NAV3: variants seen among roughly 807,000 people sequenced by gnomAD.
NAV3 encodes neuron navigator 3.
Under a neutral mutation model 244.7 loss-of-function variants are expected in NAV3, and 87 were observed. That is an observed-to-expected ratio of 0.36 (90% CI 0.30 to 0.42). The LOEUF is 0.42. Ranked by LOEUF, NAV3 falls within the 20% of genes least tolerant of loss-of-function variation. The probability of loss-of-function intolerance (pLI) is 1.00; values close to 1 mark genes in which losing one functional copy is unlikely to be tolerated. For synonymous variants in NAV3, 1,126 were observed against 1,042.2 expected (o/e 1.08, Z -1.55); for missense variants, 2,663 against 2,893.3 (o/e 0.92, Z 1.83).
chr12:77,713,059 A>T (rs905957408), intron 2 of NAV3, among the ~76,000 whole-genome samples: 7 of 152,204 alleles, frequency 4.6e-5, no homozygotes, highest in African/African-American at 1.7e-4. Context: ...TGCAGCTAGC[A>T]TAACTCAGTT....
At chr12:77,711,625 T>C (rs1876117828) in intron 2 of NAV3, among the ~76,000 whole-genome samples, 1 of 152,236 alleles carries the variant, frequency 6.6e-6, no homozygotes, top group African/African-American at 2.4e-5. Flanking sequence ...CCTGATGTCC[T>C]GTCAGTCCTA....
At chr12:78,082,840 T>C (rs1953427783) in intron 12 of NAV3, among the ~76,000 whole-genome samples, 1 of 152,114 alleles carries the variant, frequency 6.6e-6, no homozygotes, top group Non-Finnish European at 1.5e-5. Context: ...AACATGCCCT[T>C]CCCTTTGTTC....
At chr12:77,974,459 T>C (rs564936070) in intron 5 of NAV3, among the ~76,000 whole-genome samples, 1 of 143,836 alleles carries the variant, frequency 7.0e-6, no homozygotes, top group East Asian at 2.0e-4. Flanking sequence ...TTATTATTAT[T>C]TTTTTTTTTT....
chr12:77,782,783 TATC>T (rs1183834753), intron 2 of NAV3, among the ~76,000 whole-genome samples: 2 of 152,166 alleles, frequency 1.3e-5, no homozygotes, highest in Non-Finnish European at 2.9e-5. Context: ...GGGAAAAAAA[TATC>T]ATGTTGCTAT....
intron 2 of NAV3, among the ~76,000 whole-genome samples, chr12:77,682,451 C>T (rs1251363091): frequency 6.6e-6 from 1 of 152,136 alleles, no homozygotes; most frequent in Non-Finnish European, 1.5e-5. Context: ...AGGAATAATG[C>T]TGCAATGGAC....
intron 34 of NAV3, among the ~76,000 whole-genome samples, chr12:78,192,312 G>A (rs557460244): frequency 1.6e-4 from 24 of 152,208 alleles, no homozygotes; most frequent in Admixed American, 3.9e-4. Flanking sequence ...CAGGGGAAAA[G>A]CATTGCCAAG....
intron 2 of NAV3, among the ~76,000 whole-genome samples, chr12:77,715,562 A>G (rs1451757312): frequency 6.6e-6 from 1 of 152,178 alleles, no homozygotes; most frequent in African/African-American, 2.4e-5. Context: ...GGGTTATTAA[A>G]TTACTAGGAT....
At chr12:77,958,214 A>T (rs1246125926) in intron 3 of NAV3, among the ~76,000 whole-genome samples, 1 of 152,202 alleles carries the variant, frequency 6.6e-6, no homozygotes, top group Non-Finnish European at 1.5e-5. Flanking sequence ...AGACAATCAG[A>T]AAAATTCTGC....
intron 1 of NAV3, among the ~76,000 whole-genome samples, chr12:77,926,790 G>A (rs1312587994): frequency 6.6e-6 from 1 of 152,050 alleles, no homozygotes; most frequent in Non-Finnish European, 1.5e-5. Context: ...CTGATGCATT[G>A]GTCAAGAACC....
intron 29 of NAV3, among the ~76,000 whole-genome samples, chr12:78,179,981 C>T (rs1958429710): frequency 6.6e-6 from 1 of 152,092 alleles, no homozygotes; most frequent in African/African-American, 2.4e-5. Flanking sequence ...ATTCTTGCTT[C>T]TTCACTTTTC....
In NAV3 at chr12:77,710,119, A is replaced by T. The variant is rs149084731; in HGVS notation, c.72+137853A>T. 2.6e-3 allele frequency among the ~76,000 whole-genome samples: 402 copies of T among 152,298 alleles called. 2 individuals carry two copies. The highest frequency in any genetic ancestry group is 9.0e-3 in the African/African-American group (374 of 41,562). On this transcript the variant is annotated intron_variant, in intron 2 of 8. Transcript: ENST00000550042. ...TAGATTCTAATAAAAAAAGCCAATG[A>T]TTATTCTTATTAGGGCGTGCACTTT... is the stretch of plus-strand genomic sequence containing the variant.
chr12:78,022,986 A>G (rs192266832), intron 9 of NAV3, among the ~76,000 whole-genome samples: 64 of 152,318 alleles, frequency 4.2e-4, no homozygotes, highest in African/African-American at 1.5e-3. Flanking sequence ...TAATAATTGT[A>G]GATTTTTCAA....
intron 4 of NAV3, 55 bp from the exon 5 acceptor site, chr12:77,968,464 T>A: frequency 7.2e-7 from 1 of 1,382,796 alleles, no homozygotes; most frequent in Non-Finnish European, 1.0e-6. Context: ...TAGAATTTGT[T>A]AAAAAGGACA....
chr12:77,961,557 ATT>A (rs1210140029), intron 3 of NAV3, among the ~76,000 whole-genome samples: 1 of 138,332 alleles, frequency 7.2e-6, no homozygotes, highest in African/African-American at 2.7e-5. Flanking sequence ...TGTAATATAT[ATT>A]ATTAAAGTAA....
intron 12 of NAV3, among the ~76,000 whole-genome samples, chr12:78,087,504 C>T: frequency 6.6e-6 from 1 of 151,916 alleles, no homozygotes; most frequent in South Asian, 2.1e-4. Flanking sequence ...ATGAGTATTT[C>T]AGAGATGAGG....
chr12:77,925,113 T>TG (rs1440166053), intron 1 of NAV3, among the ~76,000 whole-genome samples: 1 of 152,024 alleles, frequency 6.6e-6, no homozygotes, highest in Non-Finnish European at 1.5e-5. Flanking sequence ...GGTGAAAGGT[T>TG]GGGAAAAAAA....
chr12:78,026,097 T>C (rs1878007965), intron 9 of NAV3, among the ~76,000 whole-genome samples: 1 of 152,232 alleles, frequency 6.6e-6, no homozygotes, highest in Non-Finnish European at 1.5e-5. Context: ...TGATTTCTTA[T>C]GATTTAAATG....
Position 77,907,962 on chromosome 12 carries a change from T to C in NAV3, c.244-32357T>C, listed in dbSNP as rs75946389. Among the ~76,000 whole-genome samples, 1,262 of 152,190 alleles carry C rather than the reference T, an allele frequency of 8.3e-3. 16 individuals carry two copies. The highest frequency in any genetic ancestry group is 0.027 in the Middle Eastern group (8 of 294). On this transcript the variant is annotated intron_variant, in intron 1 of 39. Transcript: ENST00000397909. Reference sequence around the variant, plus strand: ...TCTCAGAGTAAATGGCTGAATAAAATTGATGACATGCATATTAAACACAAA... The same window carrying C: ...TCTCAGAGTAAATGGCTGAATAAAACTGATGACATGCATATTAAACACAAA...
At chr12:77,799,684 G>A (rs1273685430) in intron 2 of NAV3, among the ~76,000 whole-genome samples, 1 of 151,976 alleles carries the variant, frequency 6.6e-6, no homozygotes, top group African/African-American at 2.4e-5. Context: ...GAAATACCAA[G>A]AGGCAAATGA....
Sources: gnomAD v4.1 joint callset for allele counts (sites outside exome capture counted in the v4.1 genomes callset) on GRCh38, gnomAD v4.1.1 for gene constraint, MANE v1.5 for transcripts, NCBI Gene and HGNC (gene_info 2026-07-23, HGNC 2026-07-21) for gene names.